IQSEC1: variants seen among roughly 807,000 people sequenced by gnomAD.
The protein encoded by IQSEC1 is IQ motif and Sec7 domain ArfGEF 1.
A neutral mutation model predicts 91.0 loss-of-function variants in IQSEC1; 31 were observed. The observed-to-expected ratio is 0.34, with a 90% CI of 0.26 to 0.46. The LOEUF (loss-of-function observed/expected upper bound fraction) is 0.46, where lower values mean the gene tolerates loss of function less well. Ranked by LOEUF, IQSEC1 falls within the 20% of genes least tolerant of loss-of-function variation. The probability of loss-of-function intolerance (pLI) is 1.00; values close to 1 mark genes in which losing one functional copy is unlikely to be tolerated. For missense variants in IQSEC1, 1,388 were observed against 1,575.6 expected (o/e 0.88, Z 2.02); for synonymous variants, 699 against 662.6 (o/e 1.05, Z -0.84).
intron 1 of IQSEC1, among the ~76,000 whole-genome samples, chr3:13,180,812 G>A (rs964361152): frequency 2.0e-5 from 3 of 151,580 alleles, no homozygotes; most frequent in Admixed American, 1.3e-4. Context: ...CTGAGCCAGC[G>A]AGACCACGAA....
intron 1 of IQSEC1, among the ~76,000 whole-genome samples, chr3:13,191,476 AATTTTTTTTTTTTTT>A (rs1295808101): frequency 1.4e-3 from 161 of 111,840 alleles, no homozygotes; most frequent in African/African-American, 4.3e-3. Context: ...ACACCCAGCT[AATTTTTTTTTTTTTT>A]TTTTTTTTTT....
rs1357011544 is a variant in IQSEC1, at chr3:12,967,398, C to T, written c.24-25533G>A. 1 of 1,535,880 alleles carries T rather than the reference C, an allele frequency of 6.5e-7. No homozygotes were observed. The stretch of plus-strand genomic sequence containing the variant: ...CGCCGCGCCCTCACCCGCTGTCAAG[C>T]TCTAGCTCCAGAAGGGACTGGGTCC... On this transcript the variant is annotated intron_variant, in intron 1 of 13. Transcript: ENST00000613206. The surrounding 1 kb of genome is among the most constrained non-coding windows in gnomAD (Gnocchi z 5.9).
intron 12 of IQSEC1, among the ~76,000 whole-genome samples, chr3:12,907,835 G>A (rs1381309172): frequency 1.3e-5 from 2 of 152,228 alleles, no homozygotes; most frequent in African/African-American, 4.8e-5. Context: ...AGCCAGCCCT[G>A]GCTGCTGCTC....
intron 2 of IQSEC1, among the ~76,000 whole-genome samples, chr3:13,096,640 G>A (rs1341208498): frequency 6.6e-6 from 1 of 152,206 alleles, no homozygotes; most frequent in Non-Finnish European, 1.5e-5. Flanking sequence ...AGGAACATGA[G>A]CAAAGGCACG....
intron 1 of IQSEC1, among the ~76,000 whole-genome samples, chr3:13,258,818 C>T (rs779842055): frequency 3.9e-5 from 6 of 152,200 alleles, no homozygotes; most frequent in Non-Finnish European, 8.8e-5. Context: ...GCACCCTCGC[C>T]CCCCTCCCCA....
At chr3:13,016,581 C>T (rs1703143546) in intron 1 of IQSEC1, among the ~76,000 whole-genome samples, 1 of 152,206 alleles carries the variant, frequency 6.6e-6, no homozygotes, top group South Asian at 2.1e-4. Flanking sequence ...TCCTGCCAGC[C>T]TCCTCCTCTG....
rs932057248 is a variant in IQSEC1, at chr3:13,193,972, G to T, written c.273-29839C>A. Reference sequence around the variant, plus strand: ...GAAAGCAAGGCTTTGGTTGGCAAGGGTGGTTTCTCTGGCAGCCTCTCTCCC... The same window carrying T: ...GAAAGCAAGGCTTTGGTTGGCAAGGTTGGTTTCTCTGGCAGCCTCTCTCCC... On this transcript the variant is annotated intron_variant, in intron 1 of 15. Coordinates refer to the IQSEC1 transcript ENST00000648114. The surrounding 1 kb of genome is among the most constrained non-coding windows in gnomAD (Gnocchi z 4.2). Among the ~76,000 whole-genome samples the T allele has an allele frequency of 6.6e-6, 1 of 152,208 alleles. No individual in the cohort carries two copies. The highest frequency in any genetic ancestry group is 2.4e-5 in the African/African-American group (1 of 41,444).
chr3:13,239,948 T>A (rs1048581718), intron 1 of IQSEC1, among the ~76,000 whole-genome samples: 2 of 152,078 alleles, frequency 1.3e-5, no homozygotes, highest in African/African-American at 4.8e-5. Context: ...CTGAAACAGA[T>A]GATGGTGACG....
At chr3:13,150,748 TCA>T (rs1169197457) in intron 2 of IQSEC1, among the ~76,000 whole-genome samples, 2 of 152,078 alleles carry the variant, frequency 1.3e-5, no homozygotes, top group Non-Finnish European at 2.9e-5. Flanking sequence ...GGGCTGAAAA[TCA>T]CACAGTTGTG....
rs541709473 is a variant in IQSEC1 at position 13,223,084 on chromosome 3, G to A, written c.273-58951C>T. Reference sequence around the variant, plus strand: ...CTGCCATCGAGGTTTGGGCAGGGTTGGGGGAGGTGTGACCCATCCAGACCC... The same window carrying A: ...CTGCCATCGAGGTTTGGGCAGGGTTAGGGGAGGTGTGACCCATCCAGACCC... On this transcript the variant is annotated intron_variant, in intron 1 of 15. Transcript: ENST00000648114. Among the ~76,000 whole-genome samples the A allele has an allele frequency of 4.6e-5, 7 of 152,336 alleles. No homozygotes were observed. In the South Asian group the frequency reaches 1.5e-3, roughly 32 times the overall value.
At chr3:13,174,483 C>CG (rs981193447) in intron 1 of IQSEC1, among the ~76,000 whole-genome samples, 1 of 152,146 alleles carries the variant, frequency 6.6e-6, no homozygotes, top group Non-Finnish European at 1.5e-5. Context: ...CCCATCTCAG[C>CG]GGGGGCTCCT....
At chr3:13,204,788 T>G (rs1694312616) in intron 1 of IQSEC1, among the ~76,000 whole-genome samples, 9 of 150,696 alleles carry the variant, frequency 6.0e-5, no homozygotes, top group Admixed American at 5.9e-4. Flanking sequence ...TCTGTGTTTC[T>G]CTTTCTATCT....
intron 2 of IQSEC1, among the ~76,000 whole-genome samples, chr3:13,150,710 C>T (rs1706981544): frequency 6.6e-6 from 1 of 152,142 alleles, no homozygotes; most frequent in East Asian, 1.9e-4. Flanking sequence ...TGGGTGGGAG[C>T]TGAGTGTGGC....
chr3:12,996,867 G>C (rs1248473468), intron 1 of IQSEC1, among the ~76,000 whole-genome samples: 2 of 152,202 alleles, frequency 1.3e-5, no homozygotes, highest in East Asian at 3.8e-4. Context: ...AATCTACCAA[G>C]TTGGCAAAAA....
intron 1 of IQSEC1, among the ~76,000 whole-genome samples, chr3:13,020,494 T>C (rs1214861556): frequency 1.3e-5 from 2 of 152,224 alleles, no homozygotes; most frequent in Non-Finnish European, 2.9e-5. Flanking sequence ...TGGTTTCTTA[T>C]TACAGTGAGA....
In IQSEC1 at chr3:13,025,958, C is replaced by T. The variant is rs564577811; in HGVS notation, c.23+47034G>A. ...CCTCCCAGATCTCCAGGCCTGTCCACCCTGGGCCAGGAATTCTGCACATAT... is the reference window on the plus strand; with the variant it reads ...CCTCCCAGATCTCCAGGCCTGTCCATCCTGGGCCAGGAATTCTGCACATAT... On this transcript the variant is annotated intron_variant, in intron 1 of 13. Transcript: ENST00000613206. Among the ~76,000 whole-genome samples, 21 of 152,348 alleles carry T rather than the reference C, an allele frequency of 1.4e-4. No homozygotes were observed. In the South Asian group the frequency reaches 3.3e-3, roughly 24 times the overall value.
Position 12,909,177 on chromosome 3 carries a change from G to T in IQSEC1, c.2578+96C>A. ...GCCAGAAAAGACTGGGGGACATCTT[G>T]TCTCTGTGAGCTCAGAAGTCACTGC... On this transcript the variant is annotated intron_variant, in intron 11 of 13. Coordinates refer to ENST00000613206, the MANE Select transcript of IQSEC1 (RefSeq NM_001134382.3). The surrounding 1 kb of genome is among the most constrained non-coding windows in gnomAD (Gnocchi z 4.9). 1 of 1,297,080 alleles carries T rather than the reference G, an allele frequency of 7.7e-7. No homozygotes were observed. The highest frequency in any genetic ancestry group is 1.1e-6 in the Non-Finnish European group (1 of 917,780). 80.3% of individuals were successfully genotyped at this position (1,297,080 alleles called of 1,614,324 possible).
At chr3:12,993,544 G>T (rs569326849) in intron 1 of IQSEC1, among the ~76,000 whole-genome samples, 65 of 152,312 alleles carry the variant, frequency 4.3e-4, no homozygotes, top group African/African-American at 1.5e-3. Context: ...CGACCCTCGG[G>T]GTCTGGATTC....
intron 1 of IQSEC1, among the ~76,000 whole-genome samples, chr3:13,239,815 G>C (rs965712090): frequency 1.3e-5 from 2 of 152,238 alleles, no homozygotes; most frequent in Admixed American, 6.5e-5. Context: ...GTTGCGAAGA[G>C]GCCCCAGCGC....
Sources: gnomAD v4.1 joint callset for allele counts (sites outside exome capture counted in the v4.1 genomes callset) on GRCh38, gnomAD v4.1.1 for gene constraint, Gnocchi (gnomAD v3.1) non-coding constraint, MANE v1.5 for transcripts, NCBI Gene and HGNC (gene_info 2026-07-23, HGNC 2026-07-21) for gene names.